Variants in LINGO2 observed in about 807,000 individuals in gnomAD.
LINGO2 encodes leucine rich repeat and Ig domain containing 2.
In LINGO2, 14 loss-of-function variants were observed where a neutral mutation model predicts 30.6. The ratio of observed to expected loss-of-function variants is 0.46; its 90% confidence interval spans 0.30 to 0.72. The LOEUF (loss-of-function observed/expected upper bound fraction) is 0.72. Among genes scored for constraint, LINGO2 ranks in the 30% least tolerant of loss-of-function variants. The pLI is 0.07. For missense variants in LINGO2, 729 were observed against 751.7 expected (o/e 0.97, Z 0.35); for synonymous variants, 317 against 288.5 (o/e 1.10, Z -1.00).
intron 4 of LINGO2, among the ~76,000 whole-genome samples, chr9:28,097,446 CAATGATAGACTGGATTAAGAA>C (rs1197888102): frequency 6.9e-6 from 1 of 145,344 alleles, no homozygotes; most frequent in African/African-American, 2.6e-5. Context: ...AAATGTCCAA[CAATGATAGACTGGATTAAGAA>C]AATGTGGCAC....
At chr9:28,118,547 A>G (rs1398605897) in intron 4 of LINGO2, among the ~76,000 whole-genome samples, 1 of 152,162 alleles carries the variant, frequency 6.6e-6, no homozygotes, top group African/African-American at 2.4e-5. Flanking sequence ...CATATGAGGA[A>G]TGAGAAAGCT....
chr9:29,140,555 A>G, the LINGO2 span, among the ~76,000 whole-genome samples: 1 of 151,862 alleles, frequency 6.6e-6, no homozygotes, highest in Non-Finnish European at 1.5e-5. Flanking sequence ...AACCATACAA[A>G]TGTATATATT....
At chr9:28,511,234 C>T (rs1217412597) in intron 1 of LINGO2, among the ~76,000 whole-genome samples, 1 of 152,180 alleles carries the variant, frequency 6.6e-6, no homozygotes, top group East Asian at 1.9e-4. Context: ...AAACCCATAT[C>T]TGGAGTAAGT....
At chr9:28,796,468 C>A in the LINGO2 span, among the ~76,000 whole-genome samples, 12 of 151,960 alleles carry the variant, frequency 7.9e-5, no homozygotes, top group Non-Finnish European at 1.5e-4. Flanking sequence ...CAACATATGG[C>A]AAGCACAGCC....
chr9:29,084,740 C>T, the LINGO2 span, among the ~76,000 whole-genome samples: 5 of 152,040 alleles, frequency 3.3e-5, no homozygotes, highest in Non-Finnish European at 2.9e-5. Context: ...TTACTCTGAA[C>T]ACCTCTCTTC....
At chr9:28,336,590 A>C (rs1825597584) in intron 3 of LINGO2, among the ~76,000 whole-genome samples, 1 of 152,190 alleles carries the variant, frequency 6.6e-6, no homozygotes, top group African/African-American at 2.4e-5. Flanking sequence ...TTTTAAAATA[A>C]CATCAGTTTT....
chr9:28,366,957 T>C (rs549078395), intron 3 of LINGO2, among the ~76,000 whole-genome samples: 8 of 152,242 alleles, frequency 5.3e-5, no homozygotes, highest in Admixed American at 2.6e-4. Context: ...ATGACACAGG[T>C]AAAATGCCAT....
At chr9:28,912,716 T>G in the LINGO2 span, among the ~76,000 whole-genome samples, 22 of 152,184 alleles carry the variant, frequency 1.4e-4, no homozygotes, top group Non-Finnish European at 2.4e-4. Flanking sequence ...ACCTCAGTCT[T>G]GGCTAGTCTA....
chr9:28,994,579 G>A, the LINGO2 span, among the ~76,000 whole-genome samples: 5 of 151,036 alleles, frequency 3.3e-5, no homozygotes, highest in Admixed American at 2.6e-4. Flanking sequence ...TAAGCCAAAA[G>A]AACAAAGCTG....
chr9:28,135,817 T>A (rs1432303060), intron 4 of LINGO2, among the ~76,000 whole-genome samples: 2 of 152,186 alleles, frequency 1.3e-5, no homozygotes, highest in Non-Finnish European at 2.9e-5. Flanking sequence ...TCTAAGGTAT[T>A]TACCAGTGAT....
At chr9:28,550,016 T>G (rs868386592) in intron 1 of LINGO2, among the ~76,000 whole-genome samples, 1 of 151,932 alleles carries the variant, frequency 6.6e-6, no homozygotes, top group African/African-American at 2.4e-5. Flanking sequence ...TTGCCATTCA[T>G]TTTTAGATAA....
intron 4 of LINGO2, among the ~76,000 whole-genome samples, chr9:28,263,825 G>A (rs188145711): frequency 4.5e-4 from 68 of 152,098 alleles, no homozygotes; most frequent in African/African-American, 1.6e-3. Flanking sequence ...AGTTGGCTAA[G>A]ATGGGTTAAA....
intron 4 of LINGO2, among the ~76,000 whole-genome samples, chr9:28,091,163 C>T (rs1826072389): frequency 6.6e-6 from 1 of 152,078 alleles, no homozygotes; most frequent in Admixed American, 6.6e-5. Context: ...AGATTCAATG[C>T]CATCCCCATC....
intron 2 of LINGO2, among the ~76,000 whole-genome samples, 182 bp from the exon 5 acceptor site, chr9:28,373,050 T>A (rs1274674060): frequency 1.3e-5 from 2 of 152,270 alleles, no homozygotes; most frequent in Middle Eastern, 3.4e-3. Context: ...TCTCCTATAT[T>A]GTTTTTAATA....
chr9:28,282,643 A>T (rs1273145932), intron 4 of LINGO2, among the ~76,000 whole-genome samples: 1 of 152,132 alleles, frequency 6.6e-6, no homozygotes, highest in Non-Finnish European at 1.5e-5. Flanking sequence ...TTTGGCTTAC[A>T]TCAAATCAGA....
intron 4 of LINGO2, among the ~76,000 whole-genome samples, chr9:28,165,672 T>C (rs1246491063): frequency 6.6e-6 from 1 of 152,194 alleles, no homozygotes; most frequent in African/African-American, 2.4e-5. Context: ...CTGATTCCTT[T>C]TGAGCTGGTA....
At chr9:27,963,903 A>G (rs1477634007) in intron 5 of LINGO2, among the ~76,000 whole-genome samples, 2 of 152,124 alleles carry the variant, frequency 1.3e-5, no homozygotes, top group African/African-American at 4.8e-5. Flanking sequence ...TTTTAAAACT[A>G]AAAGAAATCA....
At chr9:28,865,410 G>A in the LINGO2 span, among the ~76,000 whole-genome samples, 1 of 152,162 alleles carries the variant, frequency 6.6e-6, no homozygotes, top group Non-Finnish European at 1.5e-5. Context: ...ACCTCTTGAA[G>A]AATCAGGCCA....
chr9:28,593,164 G>T (rs1186629321), intron 1 of LINGO2, among the ~76,000 whole-genome samples: 1 of 152,010 alleles, frequency 6.6e-6, no homozygotes, highest in Non-Finnish European at 1.5e-5. Context: ...GCTATATTGT[G>T]CAATGATTAG....
Sources: gnomAD v4.1 joint callset for allele counts (sites outside exome capture counted in the v4.1 genomes callset) on GRCh38, gnomAD v4.1.1 for gene constraint, MANE v1.5 for transcripts, NCBI Gene and HGNC (gene_info 2026-07-23, HGNC 2026-07-21) for gene names.